GRIK5: variants seen among roughly 807,000 people sequenced by gnomAD.
GRIK5 encodes the protein glutamate ionotropic receptor kainate type subunit 5, also known as glutamate receptor ionotropic, kainate 5.
A neutral mutation model predicts 97.4 loss-of-function variants in GRIK5; 43 were observed. The ratio of observed to expected loss-of-function variants is 0.44; its 90% CI spans 0.35 to 0.57. GRIK5 has a LOEUF of 0.57. Among genes scored for constraint, GRIK5 ranks in the 20% least tolerant of loss-of-function variants. The pLI is 0.01. For synonymous variants in GRIK5, 580 were observed against 583.5 expected (o/e 0.99, Z 0.09); for missense variants, 1,015 against 1,382.0 (o/e 0.73, Z 4.21).
intron 15 of GRIK5, among the ~76,000 whole-genome samples, chr19:42,014,318 T>C (rs2075600536): frequency 6.7e-6 from 1 of 150,290 alleles, no homozygotes; most frequent in African/African-American, 2.4e-5. Flanking sequence ...TGCTTGAACC[T>C]GGGAGGCAGA....
chr19:42,056,640 G>C, intron 8 of GRIK5, 22 bp downstream of exon 8: 1 of 1,609,674 alleles, frequency 6.2e-7, no homozygotes, highest in Non-Finnish European at 8.5e-7. Flanking sequence ...TTCTGGGTGT[G>C]ACTGGGTATC....
In GRIK5 at chr19:42,054,350, G is replaced by T. The variant is rs140981334; in HGVS notation, c.1026C>A (p.His342Gln). The change falls in exon 9 of 20, where the codon CAC (histidine) becomes CAA (glutamine). Residue 342 changes from histidine to glutamine, a missense_variant. His to Gln is a conservative substitution (Grantham distance 24, BLOSUM62 0). Transcript: ENST00000593562. ...GCAGGTAGTTCATGAGGCTGGTCCC[G>T]TGGGGCCAAATGTTGGCCGATGTAC... ...LACTSANIWP[H>Q]GTSLMNYLRM... 3.7e-6 allele frequency: 6 copies of T among 1,612,864 alleles called. No individual in the cohort carries two copies. Among genetic ancestry groups the T allele is most frequent in the Non-Finnish European group, 5.1e-6 (6 of 1,179,706 alleles).
In GRIK5 at chr19:42,048,497, G is replaced by A. The variant is rs188994637; in HGVS notation, c.1269+5105C>T. On this transcript the variant is annotated intron_variant, in intron 11 of 19. Transcript: ENST00000593562. ...TAGCCGGGCGTGGTGGCAGGCGCCT[G>A]TAGTCCCAGCTACTTGGGAGGCTGA... Among the ~76,000 whole-genome samples, 35 of 152,316 alleles carry A rather than the reference G, an allele frequency of 2.3e-4. No homozygotes were observed. The East Asian group carries it at 6.7e-3, about 29-fold the overall frequency.
Position 42,065,324 on chromosome 19 carries a change from C to CGGGCCA in GRIK5, c.137_142dup (p.Leu46_Ala47dup), listed in dbSNP as rs777985300. On this transcript the variant is annotated inframe_insertion, in exon 3 of 20. Transcript: ENST00000593562. The surrounding 1 kb of genome is among the most constrained non-coding windows in gnomAD (Gnocchi z 5.8). Reference sequence around the variant, plus strand: ...CTCGATGATCCCGTTGATCTGCTCCCGGGCCAAGGCCAAGGCCAGACGCTC... The same window carrying CGGGCCA: ...CTCGATGATCCCGTTGATCTGCTCCCGGGCCAGGGCCAAGGCCAAGGCCAGACGCTC... 1.9e-6 allele frequency: 3 copies of CGGGCCA among 1,611,448 alleles called. No homozygotes were observed. The highest frequency in any genetic ancestry group is 2.5e-6 in the Non-Finnish European group (3 of 1,179,194).
intron 11 of GRIK5, among the ~76,000 whole-genome samples, chr19:42,045,185 T>C (rs1197664511): frequency 6.6e-6 from 1 of 152,224 alleles, no homozygotes; most frequent in Non-Finnish European, 1.5e-5. Flanking sequence ...CTGCTTCTTC[T>C]AGCAACAGAT....
rs896261213 is a variant in GRIK5, at chr19:42,062,972, C to G, written c.245-117G>C. On this transcript the variant is annotated intron_variant, in intron 3 of 19. Coordinates refer to ENST00000593562, the MANE Select transcript of GRIK5 (RefSeq NM_002088.5). This position sits in a 1 kb window ranked among gnomAD's most constrained non-coding sequence, Gnocchi z 5.3. ...GATCAGACACTGGCAACTGCCTGATCCTCTTCTGCCATCCGGGACCCAGAA... is the reference window on the plus strand; with the variant it reads ...GATCAGACACTGGCAACTGCCTGATGCTCTTCTGCCATCCGGGACCCAGAA... The G allele has an allele frequency of 2.6e-5, 19 of 730,394 alleles. No individual in the cohort carries two copies. Among genetic ancestry groups the G allele is most frequent in the Non-Finnish European group, 4.3e-5 (18 of 421,500 alleles). The allele number at this position is 730,394 out of a possible 1,614,324, so 45.2% of individuals were successfully genotyped here.
chr19:42,006,532 C>T lies in GRIK5; in HGVS notation c.2037+113G>A. 1.1e-6 allele frequency: 1 copy of T among 894,144 alleles called. No homozygotes were observed. Among genetic ancestry groups the T allele is most frequent in the East Asian group, 2.6e-5 (1 of 38,488 alleles). The allele number at this position is 894,144 out of a possible 1,614,324, so 55.4% of individuals were successfully genotyped here. On this transcript the variant is annotated intron_variant, in intron 16 of 19. Coordinates refer to ENST00000593562, the MANE Select transcript of GRIK5 (RefSeq NM_002088.5). The surrounding 1 kb of genome is among the most constrained non-coding windows in gnomAD (Gnocchi z 5.3). The stretch of plus-strand genomic sequence containing the variant: ...TGTTTTCTGCTCCCCAGCCTCCAGG[C>T]TGTCACTGACAATCAGTCCCTCTGA...
intron 11 of GRIK5, among the ~76,000 whole-genome samples, chr19:42,044,811 G>A (rs141087577): frequency 3.7e-4 from 57 of 152,276 alleles, no homozygotes; most frequent in African/African-American, 1.3e-3. Flanking sequence ...TTAGCCAGGC[G>A]TGCTGGTGTG....
chr19:42,011,632 C>G (rs1289045530), intron 15 of GRIK5, among the ~76,000 whole-genome samples: 1 of 149,072 alleles, frequency 6.7e-6, no homozygotes, highest in East Asian at 2.0e-4. Context: ...AAAAATAAAA[C>G]AAAGAAGTAC....
At chr19:42,045,034 C>T (rs2076025880) in intron 11 of GRIK5, among the ~76,000 whole-genome samples, 2 of 152,198 alleles carry the variant, frequency 1.3e-5, no homozygotes, top group Admixed American at 1.3e-4. Context: ...TTATGGTGAC[C>T]TTACACTGAA....
At chr19:42,024,290 G>A (rs2075741397) in intron 12 of GRIK5, among the ~76,000 whole-genome samples, 3 of 150,146 alleles carry the variant, frequency 2.0e-5, no homozygotes. Context: ...TCAGGTCACT[G>A]CAACTTCTGC....
Position 42,056,963 on chromosome 19 carries a change from T to C in GRIK5, c.703A>G (p.Met235Val). 1.9e-6 allele frequency: 3 copies of C among 1,558,258 alleles called. No homozygotes were observed. Among genetic ancestry groups the C allele is most frequent in the Non-Finnish European group, 2.6e-6 (3 of 1,150,660 alleles). ...ATGTACTTGTAAAACGCTGAGGTCATTCCCAGTTCCGAGGCCTGGAAAACA... is the reference window on the plus strand; with the variant it reads ...ATGTACTTGTAAAACGCTGAGGTCACTCCCAGTTCCGAGGCCTGGAAAACA... ...LILRKASELG[M>V]TSAFYKYILT... The change falls in exon 7 of 20, where the codon ATG (methionine) becomes GTG (valine). Residue 235 changes from methionine (M) to valine (V), a missense_variant. Met to Val is a conservative substitution (Grantham distance 21). Transcript: ENST00000593562.
In GRIK5 at chr19:42,059,500, C is replaced by A; in HGVS notation, c.536G>T (p.Arg179Leu). ...CGTCTCCTTGGAGATGAGGAAGCCA[C>A]GCACCAGTTCCTCCAATCGCAGCAG... ...ECLLRLEELVRGFLISKETLS... is the reference protein window; with the variant it reads ...ECLLRLEELVLGFLISKETLS... The change falls in exon 6 of 20, where the codon CGT becomes CTT. Residue 179 changes from arginine (R) to leucine (L), a missense_variant. Around this residue, in one of 5 missense-constraint regions of GRIK5, gnomAD observed 477 missense variants for 701.1 expected, o/e 0.68. Transcript: ENST00000593562. The A allele has an allele frequency of 6.2e-7, 1 of 1,613,198 alleles. No individual in the cohort carries two copies. The highest frequency in any genetic ancestry group is 8.5e-7 in the Non-Finnish European group (1 of 1,179,866).
intron 19 of GRIK5, among the ~76,000 whole-genome samples, chr19:42,000,270 G>C (rs1955582227): frequency 6.6e-6 from 1 of 152,148 alleles, no homozygotes; most frequent in African/African-American, 2.4e-5. Flanking sequence ...CAGATTGTAG[G>C]GAGGCCAAGG....
chr19:42,020,716 C>T (rs1017785664), intron 15 of GRIK5, among the ~76,000 whole-genome samples: 8 of 152,150 alleles, frequency 5.3e-5, no homozygotes, highest in African/African-American at 1.9e-4. Flanking sequence ...CTCCCACCAG[C>T]GCCATGACAG....
intron 6 of GRIK5, 83 bp from the exon 7 acceptor site, chr19:42,057,061 A>G: frequency 9.8e-7 from 1 of 1,020,850 alleles, no homozygotes. Flanking sequence ...AGAAGAAGAG[A>G]GATTTAGAGA....
intron 9 of GRIK5, 53 bp from the exon 10 acceptor site, chr19:42,053,982 G>T: frequency 8.0e-7 from 1 of 1,251,572 alleles, no homozygotes; most frequent in Non-Finnish European, 1.2e-6. Context: ...CCAGAGATGG[G>T]CAGGGAAGGC....
At position 42,065,130 on chromosome 19, in the gene GRIK5, G is replaced by C; in HGVS notation, c.244+93C>G. 4.5e-6 allele frequency: 5 copies of C among 1,113,376 alleles called. No individual in the cohort carries two copies. The highest frequency in any genetic ancestry group is 1.5e-5 in the South Asian group (1 of 68,508). 69.0% of individuals were successfully genotyped at this position (1,113,376 alleles called of 1,614,324 possible). A position where few individuals can be genotyped will look rare whatever the true frequency, so the allele number is the denominator to read the frequency against. ...GAAGGGGGAGGATGGAGCTAGAAGAGGACAAGGCCAGGCCAGAGGCCAGGG... is the reference window on the plus strand; with the variant it reads ...GAAGGGGGAGGATGGAGCTAGAAGACGACAAGGCCAGGCCAGAGGCCAGGG... On this transcript the variant is annotated intron_variant, in intron 3 of 19. Coordinates refer to ENST00000593562, the MANE Select transcript of GRIK5 (RefSeq NM_002088.5). The surrounding 1 kb of genome is among the most constrained non-coding windows in gnomAD (Gnocchi z 5.8).
intron 12 of GRIK5, among the ~76,000 whole-genome samples, chr19:42,039,471 C>T (rs913172204): frequency 2.0e-5 from 3 of 152,002 alleles, no homozygotes; most frequent in African/African-American, 4.8e-5. Context: ...AGCCAGAGTC[C>T]GTCTCAAAAC....
Sources: allele counts gnomAD v4.1 joint callset (sites outside exome capture counted in the v4.1 genomes callset), GRCh38; gene constraint gnomAD v4.1.1; regional missense constraint gnomAD v4.1.1; non-coding constraint Gnocchi (gnomAD v3.1); transcripts MANE v1.5; gene names NCBI Gene and HGNC (gene_info 2026-07-23, HGNC 2026-07-21).